Variants in TNNT1 observed in about 807,000 individuals in gnomAD.
TNNT1 encodes troponin T, slow skeletal muscle.
TNNT1 carries 53 observed loss-of-function variants against 50.6 expected under a neutral mutation model. That is an observed-to-expected ratio of 1.05 (90% CI 0.84 to 1.32). The LOEUF is 1.32. Ranked by LOEUF, TNNT1 falls within the 40% of genes most tolerant of loss-of-function variation. The pLI, the probability that TNNT1 is intolerant of heterozygous loss-of-function variation, is 0.00. For missense variants in TNNT1, 348 were observed against 381.7 expected, an observed-to-expected ratio of 0.91 and a Z score of 0.74; for synonymous variants, 142 against 138.0, an observed-to-expected ratio of 1.03 and a Z score of -0.20.
intron 13 of TNNT1, 93 bp from the exon 14 acceptor site, chr19:55,133,053 A>C: frequency 8.7e-7 from 1 of 1,146,848 alleles, no homozygotes; most frequent in Non-Finnish European, 1.3e-6. Flanking sequence ...CATTCCCCAA[A>C]ATATTAGCCC....
At chr19:55,144,547 T>C (rs2085513184) in intron 6 of TNNT1, among the ~76,000 whole-genome samples, 1 of 152,180 alleles carries the variant, frequency 6.6e-6, no homozygotes, top group African/African-American at 2.4e-5. Flanking sequence ...GCCCGGCTAA[T>C]TTTTTAAAAT....
Position 55,138,068 on chromosome 19 carries a change from TCTC to T in TNNT1, c.391_393del (p.Glu131del). The T allele has an allele frequency of 3.1e-6, 5 of 1,614,006 alleles. No individual in the cohort carries two copies. The highest frequency in any genetic ancestry group is 1.3e-5 in the African/African-American group (1 of 74,980). On this transcript the variant is annotated inframe_deletion, in exon 10 of 14. Coordinates refer to ENST00000588981, the MANE Select transcript of TNNT1 (RefSeq NM_003283.6). ...GCCTCTTCCTCTTCCTTCCTCATCTTCTCCTCCTGTGGGAAGTAAGGGGTTAAC... is the reference window on the plus strand; with the variant it reads ...GCCTCTTCCTCTTCCTTCCTCATCTTCTCCTGTGGGAAGTAAGGGGTTAAC...
In TNNT1 at chr19:55,132,823, C is replaced by G. The variant is rs111950566; in HGVS notation, c.*92G>C. The G allele has an allele frequency of 8.1e-7, 1 of 1,237,768 alleles. No individual in the cohort carries two copies. The highest frequency in any genetic ancestry group is 1.2e-6 in the Non-Finnish European group (1 of 861,422). 76.7% of individuals were successfully genotyped at this position (1,237,768 alleles called of 1,614,324 possible). ...CTCAACCATAATAACATCAGAGAAC[C>G]CAGCGGGTGTCTGAGGGGAGCGTTT... On this transcript the variant is annotated 3_prime_UTR_variant, in exon 14 of 14. Transcript: ENST00000588981.
Position 55,132,735 on chromosome 19 carries a change from G to A in TNNT1, c.*180C>T. On this transcript the variant is annotated 3_prime_UTR_variant, in exon 14 of 14. Transcript: ENST00000588981. ...CTGCCGTACTTTAATGATTATTGGT[G>A]ACACTCTTTCAAGTAACTTGTTGGT... 1.5e-6 allele frequency: 1 copy of A among 653,388 alleles called. No individual in the cohort carries two copies. 40.5% of individuals were successfully genotyped at this position (653,388 alleles called of 1,614,324 possible). A position where few individuals can be genotyped will look rare whatever the true frequency, so the allele number is the denominator to read the frequency against.
At position 55,137,223 on chromosome 19, in the gene TNNT1, G is replaced by C. The variant is rs1235215882; in HGVS notation, c.502-11C>G. On this transcript the variant is annotated splice_polypyrimidine_tract_variant and intron_variant, in intron 10 of 13. Transcript: ENST00000588981. The stretch of plus-strand genomic sequence containing the variant: ...ACGCTTCTGTTCTGCCTGAGGGTGG[G>C]GGAGGCGGAACAGTAAACTGGGGGC... The C allele has an allele frequency of 6.2e-7, 1 of 1,602,018 alleles. No homozygotes were observed. Among genetic ancestry groups the C allele is most frequent in the Non-Finnish European group, 8.5e-7 (1 of 1,169,592 alleles).
intron 13 of TNNT1, 117 bp downstream of exon 13, chr19:55,133,770 G>C (rs1192327134): frequency 2.5e-6 from 3 of 1,189,522 alleles, no homozygotes; most frequent in Admixed American, 1.7e-5. Flanking sequence ...GAAGGACAAA[G>C]AGAAAGGGGC....
intron 4 of TNNT1, 42 bp from the exon 5 acceptor site, chr19:55,146,508 G>A: frequency 1.6e-6 from 2 of 1,238,134 alleles, no homozygotes; most frequent in Non-Finnish European, 2.1e-6. Context: ...TGGGGAGCGA[G>A]GGGGGAGCGG....
Position 55,142,161 on chromosome 19 carries a change from C to T in TNNT1, c.129-241G>A, listed in dbSNP as rs1200053984. 6.6e-6 allele frequency: 3 copies of T among 452,872 alleles called. No individual in the cohort carries two copies. In the East Asian group the frequency reaches 1.3e-4, roughly 20 times the overall value. 28.1% of individuals were successfully genotyped at this position (452,872 alleles called of 1,614,324 possible). On this transcript the variant is annotated intron_variant, in intron 6 of 13. Transcript: ENST00000588981. ...TTTTTGACGGAGTCTTGCTCTGTCA[C>T]CCAGGCTGGAGTGCGGTGGCGCCAC...
chr19:55,134,373 G>A (rs995065706), intron 11 of TNNT1, among the ~76,000 whole-genome samples, 169 bp from the exon 12 acceptor site: 13 of 152,136 alleles, frequency 8.5e-5, no homozygotes, highest in African/African-American at 2.4e-4. Context: ...TGGAGCTCTC[G>A]CATTTCCCAA....
intron 5 of TNNT1, among the ~76,000 whole-genome samples, chr19:55,146,167 T>C (rs1055316889): frequency 2.6e-5 from 4 of 151,964 alleles, no homozygotes; most frequent in African/African-American, 9.7e-5. Context: ...CCAACCCTTC[T>C]GTAAAGATTC....
At chr19:55,133,705 A>T in intron 13 of TNNT1, 182 bp downstream of exon 13, 5 of 685,290 alleles carry the variant, frequency 7.3e-6, no homozygotes, top group Non-Finnish European at 1.3e-5. Flanking sequence ...AGAAAGAAAA[A>T]GAAAAAGGAA....
rs1452329131 is a variant in TNNT1 at position 55,146,460 on chromosome 19, T to G, written c.80A>C (p.Glu27Ala). Residue 27 changes from glutamate (E) to alanine (A), a missense_variant, in exon 5 of 14, where the codon GAA (glutamate) becomes GCA (alanine). By Grantham distance (107) the Glu-to-Ala change is moderately radical. Transcript: ENST00000588981. ...TGGCTCTGCCACCGGCTCCGGCTCT[T>G]CGGGGGCTGGGGAGGGGAGGGAGGA... The part of the protein sequence containing the change: ...EAAEEEEEAP[E>A]EPEPVAEPEE... 3 of 1,195,504 alleles carry G rather than the reference T, an allele frequency of 2.5e-6. No individual in the cohort carries two copies. The highest frequency in any genetic ancestry group is 3.9e-5 in the Admixed American group (1 of 25,780). 74.1% of individuals were successfully genotyped at this position (1,195,504 alleles called of 1,614,324 possible). A position where few individuals can be genotyped will look rare whatever the true frequency, so the allele number is the denominator to read the frequency against.
intron 4 of TNNT1, 36 bp downstream of exon 4, chr19:55,146,645 C>G (rs1450243467): frequency 1.4e-6 from 2 of 1,416,286 alleles, no homozygotes; most frequent in Middle Eastern, 2.6e-4. Context: ...GCCCCCCCAC[C>G]CCCCAGCTCC....
chr19:55,147,316 T>C, intron 1 of TNNT1, 148 bp from the exon 2 acceptor site: 1 of 692,408 alleles, frequency 1.4e-6, no homozygotes, highest in South Asian at 1.7e-5. Flanking sequence ...GGGTCTGGAC[T>C]CCTGGGTGTG....
intron 9 of TNNT1, among the ~76,000 whole-genome samples, chr19:55,139,581 T>TTA (rs2085413891): frequency 6.6e-6 from 1 of 152,280 alleles, no homozygotes; most frequent in Non-Finnish European, 1.5e-5. Flanking sequence ...GGCCTTCCTC[T>TTA]TATAAGGACC....
chr19:55,146,630 T>TGGCCCCCCCCCC, intron 4 of TNNT1, 51 bp downstream of exon 4: 2 of 1,025,182 alleles, frequency 2.0e-6, no homozygotes, highest in Non-Finnish European at 2.8e-6. Flanking sequence ...GGGCCCAGCG[T>TGGCCCCCCCCCC]CCCCGCCCCC....
chr19:55,146,636 C>G, intron 4 of TNNT1, 45 bp downstream of exon 4: 1 of 1,100,886 alleles, frequency 9.1e-7, no homozygotes, highest in Non-Finnish European at 1.3e-6. Context: ...AGCGTCCCCG[C>G]CCCCCCACCC....
chr19:55,143,769 T>C (rs62126317), intron 6 of TNNT1, among the ~76,000 whole-genome samples: 13,132 of 152,046 alleles, frequency 0.086, 609 homozygotes, highest in South Asian at 0.13. Flanking sequence ...CTCCAATGAC[T>C]TCAGGTATCA....
Position 55,134,196 on chromosome 19 carries a change from G to T in TNNT1, c.620C>A (p.Ser207Tyr). The change falls in exon 12 of 14, where the codon TCT becomes TAT. Residue 207 changes from serine to tyrosine, a missense_variant. This residue lies in a region of TNNT1 where 253 missense variants were observed against 291.8 expected (regional missense o/e 0.87). Coordinates refer to ENST00000588981, the MANE Select transcript of TNNT1 (RefSeq NM_003283.6). The stretch of plus-strand genomic sequence containing the variant: ...GGGCTGTGATGGAGGCAGCCAGGCA[G>T]ACCGGGCCCTAGGCCCAGGGACGGA... Reference protein sequence around the residue: ...YMGEEQLRARSAWLPPSQPSC... With the variant: ...YMGEEQLRARYAWLPPSQPSC... 6.3e-7 allele frequency: 1 copy of T among 1,575,144 alleles called. No homozygotes were observed. Among genetic ancestry groups the T allele is most frequent in the Non-Finnish European group, 8.6e-7 (1 of 1,160,246 alleles).
Sources: gnomAD v4.1 joint callset for allele counts (sites outside exome capture counted in the v4.1 genomes callset) on GRCh38, gnomAD v4.1.1 for gene constraint, gnomAD v4.1.1 regional missense constraint, MANE v1.5 for transcripts, NCBI Gene and HGNC (gene_info 2026-07-23, HGNC 2026-07-21) for gene names.